Variants in DPH6 observed in about 807,000 individuals in gnomAD.
DPH6 encodes diphthine--ammonia ligase.
A neutral mutation model predicts 38.2 loss-of-function variants in DPH6; 33 were observed. The observed-to-expected ratio is 0.86, with a 90% confidence interval of 0.65 to 1.15. The LOEUF (loss-of-function observed/expected upper bound fraction) is 1.15, where lower values mean the gene tolerates loss of function less well. Ranked by LOEUF, DPH6 falls within the 50% of genes most tolerant of loss-of-function variation. The pLI is 0.00. For missense variants in DPH6, 325 were observed against 320.0 expected (o/e 1.02, Z -0.12); for synonymous variants, 108 against 103.0 (o/e 1.05, Z -0.30).
At position 35,454,958 on chromosome 15, in the gene DPH6, G is replaced by A. The variant is rs1447474163; in HGVS notation, c.313-138C>T. 11 of 556,380 alleles carry A rather than the reference G, an allele frequency of 2.0e-5. No individual in the cohort carries two copies. In the East Asian group the frequency reaches 2.6e-4, roughly 13 times the overall value. The allele number at this position is 556,380 out of a possible 1,614,324, so 34.5% of individuals were successfully genotyped here. A position where few individuals can be genotyped will look rare whatever the true frequency, so the allele number is the denominator to read the frequency against. ...AGAGTAATTTACTGAAAATATAATCGACATTCAGAAAAAATTTGCATATAT... is the reference window on the plus strand; with the variant it reads ...AGAGTAATTTACTGAAAATATAATCAACATTCAGAAAAAATTTGCATATAT... On this transcript the variant is annotated intron_variant, in intron 3 of 8. Coordinates refer to ENST00000256538, the MANE Select transcript of DPH6 (RefSeq NM_080650.4).
intron 3 of DPH6, among the ~76,000 whole-genome samples, chr15:35,285,324 G>A (rs918424104): frequency 6.6e-6 from 1 of 152,048 alleles, no homozygotes; most frequent in African/African-American, 2.4e-5. Context: ...CAATTCCCAC[G>A]TGTCGTGGGA....
At chr15:35,405,953 A>G (rs910325012) in intron 6 of DPH6, among the ~76,000 whole-genome samples, 1 of 151,994 alleles carries the variant, frequency 6.6e-6, no homozygotes, top group Non-Finnish European at 1.5e-5. Flanking sequence ...TTTCTATACT[A>G]GGGGCTTGGT....
At chr15:35,223,425 G>A (rs1213455390) in intron 3 of DPH6, among the ~76,000 whole-genome samples, 3 of 152,130 alleles carry the variant, frequency 2.0e-5, no homozygotes, top group African/African-American at 7.2e-5. Context: ...CCTAGCTTAC[G>A]CCTGTAATCC....
chr15:35,374,272 T>C (rs1014907352), intron 7 of DPH6, among the ~76,000 whole-genome samples: 29 of 152,214 alleles, frequency 1.9e-4, no homozygotes, highest in East Asian at 3.9e-4. Flanking sequence ...TTATTTTTTA[T>C]TGTTTATTAA....
rs368771394 is a variant in DPH6, at chr15:35,539,476, G to C, written c.119-1009C>G. ...TAAAAAGTGTTAAATGGATGTCTGT[G>C]GTGTAAATCTTCCTAAGCTAATATG... On this transcript the variant is annotated intron_variant, in intron 2 of 8. Transcript: ENST00000256538. Among the ~76,000 whole-genome samples, 37 of 152,030 alleles carry C rather than the reference G, an allele frequency of 2.4e-4. No individual in the cohort carries two copies. In the East Asian group the frequency reaches 6.6e-3, roughly 27 times the overall value.
At position 35,433,357 on chromosome 15, in the gene DPH6, A is replaced by G. The variant is rs1367620628; in HGVS notation, c.505+17328T>C. Among the ~76,000 whole-genome samples, 3 of 152,316 alleles carry G rather than the reference A, an allele frequency of 2.0e-5. 1 individual carries two copies. In the East Asian group the frequency reaches 5.8e-4, roughly 29 times the overall value. On this transcript the variant is annotated intron_variant, in intron 5 of 8. Transcript: ENST00000256538. ...AACAAAAACTTAACTTTATGAAGAT[A>G]GCTTTTCAAAGCAGGAGAAGTAGTG...
intron 3 of DPH6, among the ~76,000 whole-genome samples, chr15:35,278,502 C>T (rs1008822930): frequency 1.1e-4 from 16 of 152,278 alleles, no homozygotes; most frequent in African/African-American, 2.2e-4. Context: ...ACCAAGGGGA[C>T]GTGTGAGGTT....
rs1283421555 is a variant in DPH6 at position 35,282,710 on chromosome 15, C to T, written n.201-62128G>A. On this transcript the variant is annotated intron_variant and non_coding_transcript_variant, in intron 3 of 3. Coordinates refer to the DPH6 transcript ENST00000560386. ...TGCAATTTACATTGATGTGCCATGC[C>T]TTACGTGGGAAGGACAGCAGTTCCA... is the stretch of plus-strand genomic sequence containing the variant. The T allele has an allele frequency of 3.2e-5, 12 of 374,454 alleles. No individual in the cohort carries two copies. In the Admixed American group the frequency reaches 3.6e-4, roughly 11 times the overall value. The allele number at this position is 374,454 out of a possible 1,614,324, so 23.2% of individuals were successfully genotyped here.
chr15:35,449,040 A>G (rs2053895466), intron 5 of DPH6, among the ~76,000 whole-genome samples: 1 of 141,784 alleles, frequency 7.1e-6, no homozygotes, highest in Admixed American at 7.3e-5. Context: ...GCTTAAATCC[A>G]TTTAAAATTG....
At chr15:35,432,504 T>C (rs1376422021) in intron 5 of DPH6, among the ~76,000 whole-genome samples, 1 of 152,112 alleles carries the variant, frequency 6.6e-6, no homozygotes, top group Admixed American at 6.5e-5. Flanking sequence ...AATATCAAAC[T>C]GAAAGCATTT....
intron 6 of DPH6, among the ~76,000 whole-genome samples, chr15:35,386,310 G>A (rs2052956680): frequency 6.6e-6 from 1 of 152,186 alleles, no homozygotes; most frequent in African/African-American, 2.4e-5. Context: ...ATAAACATAT[G>A]TGTGCATGTG....
At chr15:35,468,669 T>C (rs1714347487) in intron 3 of DPH6, among the ~76,000 whole-genome samples, 1 of 150,828 alleles carries the variant, frequency 6.6e-6, no homozygotes, top group African/African-American at 2.5e-5. Context: ...TCAGAGGTTA[T>C]GGGGCACGTA....
the DPH6 span, among the ~76,000 whole-genome samples, chr15:35,175,376 T>C: frequency 2.0e-5 from 3 of 152,216 alleles, no homozygotes; most frequent in East Asian, 5.8e-4. Flanking sequence ...TGACAAGCAT[T>C]TTTCACAGCA....
the DPH6 span, among the ~76,000 whole-genome samples, chr15:35,155,211 C>T: frequency 4.6e-5 from 7 of 152,056 alleles, no homozygotes; most frequent in African/African-American, 1.4e-4. Flanking sequence ...TAGAGCTAAC[C>T]ATAAAAAAGG....
At chr15:35,359,440 A>G (rs1397844230) in intron 3 of DPH6, among the ~76,000 whole-genome samples, 2 of 151,986 alleles carry the variant, frequency 1.3e-5, no homozygotes, top group Non-Finnish European at 2.9e-5. Context: ...TCAGCTAGAG[A>G]TTTGCTTCTC....
intron 7 of DPH6, among the ~76,000 whole-genome samples, chr15:35,377,120 T>A (rs911499412): frequency 6.6e-6 from 1 of 152,184 alleles, no homozygotes; most frequent in African/African-American, 2.4e-5. Flanking sequence ...AATTCTCAGA[T>A]GATACAGAAT....
At chr15:35,479,511 C>A (rs988750087) in intron 3 of DPH6, among the ~76,000 whole-genome samples, 5 of 152,078 alleles carry the variant, frequency 3.3e-5, no homozygotes, top group African/African-American at 9.7e-5. Flanking sequence ...CAAGCACTAA[C>A]CCTGGTTAAA....
intron 3 of DPH6, among the ~76,000 whole-genome samples, chr15:35,465,493 A>G (rs1019681078): frequency 2.0e-5 from 3 of 152,176 alleles, no homozygotes; most frequent in African/African-American, 2.4e-5. Context: ...TTAAACTTCA[A>G]ATTTTTCACT....
chr15:35,353,608 C>G (rs1029277379), intron 3 of DPH6, among the ~76,000 whole-genome samples: 3 of 152,150 alleles, frequency 2.0e-5, no homozygotes, highest in Non-Finnish European at 4.4e-5. Flanking sequence ...GGCGTTATTT[C>G]TGAGGGATCT....
Sources: gnomAD v4.1 joint callset for allele counts (sites outside exome capture counted in the v4.1 genomes callset) on GRCh38, gnomAD v4.1.1 for gene constraint, MANE v1.5 for transcripts, NCBI Gene and HGNC (gene_info 2026-07-23, HGNC 2026-07-21) for gene names.